Variants in SMPX observed in about 807,000 individuals in gnomAD.
SMPX encodes the protein small muscular protein.
In SMPX, 2 loss-of-function variants were observed where a neutral mutation model predicts 6.3. The observed-to-expected ratio is 0.32, with a 90% CI of 0.13 to 0.99. The LOEUF (loss-of-function observed/expected upper bound fraction) is 0.99, where lower values mean the gene tolerates loss of function less well. Ranked by LOEUF, SMPX falls within the 50% of genes least tolerant of loss-of-function variation. The pLI, the probability that SMPX is intolerant of heterozygous loss-of-function variation, is 0.49. For missense variants in SMPX, 60 were observed against 66.8 expected (o/e 0.90, Z 0.36); for synonymous variants, 32 against 24.7 (o/e 1.30, Z -0.88).
intron 4 of SMPX, among the ~76,000 whole-genome samples, chrX:21,708,761 TTA>T (rs1356315908): frequency 8.9e-6 from 1 of 112,503 alleles, no homozygotes; most frequent in Non-Finnish European, 1.9e-5. Flanking sequence ...AATATGAGAT[TTA>T]CTCTCTTAAT....
At chrX:21,745,131 G>A (rs1328756430) in intron 2 of SMPX, among the ~76,000 whole-genome samples, 3 of 112,037 alleles carry the variant, frequency 2.7e-5, no homozygotes, top group Non-Finnish European at 3.8e-5. Context: ...GTATTTGTGG[G>A]AAGTAACCGG....
At chrX:21,724,058 C>A (rs1164418799) in intron 4 of SMPX, among the ~76,000 whole-genome samples, 1 of 111,962 alleles carries the variant, frequency 8.9e-6, no homozygotes. Flanking sequence ...TATAATTGGC[C>A]CATAATTGGA....
At chrX:21,726,088 T>G (rs747722598) in intron 4 of SMPX, among the ~76,000 whole-genome samples, 1 of 111,711 alleles carries the variant, frequency 9.0e-6, no homozygotes, top group African/African-American at 3.3e-5. Flanking sequence ...TTATTCCTAT[T>G]TATAGATGTG....
At chrX:21,755,073 T>C (rs918081416) in intron 1 of SMPX, among the ~76,000 whole-genome samples, 27 of 112,662 alleles carry the variant, frequency 2.4e-4, no homozygotes, top group Admixed American at 6.5e-4. Flanking sequence ...TCTTTAAGCA[T>C]GTGAGACCTG....
At chrX:21,754,801 T>TG (rs774598867) in intron 1 of SMPX, among the ~76,000 whole-genome samples, 1 of 112,196 alleles carries the variant, frequency 8.9e-6, no homozygotes, top group African/African-American at 3.2e-5. Flanking sequence ...ACGGCTGCGA[T>TG]GCTCTCTACT....
chrX:21,719,440 C>T (rs1363223984), intron 4 of SMPX, among the ~76,000 whole-genome samples: 1 of 110,039 alleles, frequency 9.1e-6, no homozygotes, highest in Non-Finnish European at 1.9e-5. Flanking sequence ...CTCGCTTGAA[C>T]CCGGGAGGGG....
intron 4 of SMPX, among the ~76,000 whole-genome samples, chrX:21,730,938 G>A (rs1420701207): frequency 1.8e-5 from 2 of 111,773 alleles, no homozygotes; most frequent in East Asian, 2.8e-4. Context: ...ATATGGAATA[G>A]GTGCTAATAT....
chrX:21,730,111 T>G (rs1017791650), intron 4 of SMPX, among the ~76,000 whole-genome samples: 16 of 112,151 alleles, frequency 1.4e-4, no homozygotes, highest in African/African-American at 5.2e-4. Context: ...ATAAAACCAT[T>G]TCCTTCAGAG....
At chrX:21,756,359 C>T (rs1368563393) in intron 1 of SMPX, among the ~76,000 whole-genome samples, 1 of 112,035 alleles carries the variant, frequency 8.9e-6, no homozygotes, top group Admixed American at 9.5e-5. Context: ...TACTGGATTG[C>T]TGTTTTTGTG....
At chrX:21,746,979 G>A (rs1383537899) in intron 2 of SMPX, among the ~76,000 whole-genome samples, 3 of 110,893 alleles carry the variant, frequency 2.7e-5, no homozygotes, top group Non-Finnish European at 5.7e-5. Flanking sequence ...TGTCTCTTTC[G>A]CTGACTTACT....
chrX:21,712,746 A>G (rs1466798389), intron 4 of SMPX, among the ~76,000 whole-genome samples: 1 of 112,191 alleles, frequency 8.9e-6, no homozygotes. Flanking sequence ...AAAGTGATAA[A>G]TAAGTCAAGG....
At chrX:21,738,274 T>C in intron 3 of SMPX, among the ~76,000 whole-genome samples, 1 of 111,810 alleles carries the variant, frequency 8.9e-6, no homozygotes, top group East Asian at 2.8e-4. Flanking sequence ...TCCTATCCTT[T>C]CTTGTGGCAT....
At chrX:21,731,984 C>T (rs2092805581) in intron 4 of SMPX, among the ~76,000 whole-genome samples, 1 of 109,917 alleles carries the variant, frequency 9.1e-6, no homozygotes, top group Non-Finnish European at 1.9e-5. Context: ...CTGTTTCTTC[C>T]TTCATTTGTG....
intron 4 of SMPX, among the ~76,000 whole-genome samples, chrX:21,713,259 A>G (rs1255704912): frequency 8.9e-6 from 1 of 112,197 alleles, no homozygotes; most frequent in Non-Finnish European, 1.9e-5. Context: ...AAATTAGGAA[A>G]TTCAGATCCA....
At chrX:21,707,086 G>T (rs185203053) in intron 4 of SMPX, among the ~76,000 whole-genome samples, 174 of 105,434 alleles carry the variant, frequency 1.7e-3, no homozygotes, top group African/African-American at 5.8e-3. Context: ...AACCATCATC[G>T]CCCCATCCAC....
chrX:21,731,551 A>ACACATACACATAATGTGTG lies in SMPX; in HGVS notation c.*14+5997_*14+5998insCACACATTATGTGTATGTG, dbSNP rs1332352423. 1.8e-4 allele frequency among the ~76,000 whole-genome samples: 14 copies of ACACATACACATAATGTGTG among 76,133 alleles called. 3 individuals are homozygous for ACACATACACATAATGTGTG. The highest frequency in any genetic ancestry group is 3.2e-4 in the Non-Finnish European group (12 of 37,378). The allele number at this position is 76,133 out of a possible 115,157, so 66.1% of individuals were successfully genotyped here. ...ACATACACATTATGTGTGTATGTGT[A>ACACATACACATAATGTGTG]TATATACACATTATGTGTATATGTG... On this transcript the variant is annotated intron_variant, in intron 4 of 4. Coordinates refer to ENST00000379494, the MANE Select transcript of SMPX (RefSeq NM_014332.3).
At chrX:21,744,560 A>T (rs994173263) in intron 2 of SMPX, among the ~76,000 whole-genome samples, 22 of 112,197 alleles carry the variant, frequency 2.0e-4, no homozygotes, top group African/African-American at 6.8e-4. Flanking sequence ...TGACACTGTA[A>T]TTTGAACTTG....
At chrX:21,725,955 G>T (rs2147379309) in intron 4 of SMPX, among the ~76,000 whole-genome samples, 1 of 112,053 alleles carries the variant, frequency 8.9e-6, no homozygotes, top group South Asian at 3.7e-4. Context: ...GCAGAGGGCA[G>T]AAGGTATGGG....
At chrX:21,743,953 T>G in intron 2 of SMPX, 117 bp from the exon 3 acceptor site, 2 of 550,349 alleles carry the variant, frequency 3.6e-6, no homozygotes, top group South Asian at 5.3e-5. Context: ...TCAAAGCTTT[T>G]TATCTCAGGA....
Sources: gnomAD v4.1 joint callset for allele counts (sites outside exome capture counted in the v4.1 genomes callset) on GRCh38, gnomAD v4.1.1 for gene constraint, MANE v1.5 for transcripts, NCBI Gene and HGNC (gene_info 2026-07-23, HGNC 2026-07-21) for gene names.